The following RAD51B variants were observed in gnomAD, a reference collection of about 807,000 sequenced individuals.
The protein encoded by RAD51B is DNA repair protein RAD51 homolog 2.
RAD51B carries 38 observed loss-of-function variants against 42.2 expected under a neutral mutation model. The observed-to-expected ratio is 0.90, with a 90% CI of 0.70 to 1.18. RAD51B has a LOEUF of 1.18. Ranked by LOEUF, RAD51B falls within the 50% of genes most tolerant of loss-of-function variation. The pLI is 0.00. For missense variants in RAD51B, 373 were observed against 400.7 expected, an observed-to-expected ratio of 0.93 and a Z score of 0.59; for synonymous variants, 154 against 145.2, an observed-to-expected ratio of 1.06 and a Z score of -0.43.
chr14:68,153,252 T>C (rs910460858), intron 7 of RAD51B, among the ~76,000 whole-genome samples: 4 of 152,196 alleles, frequency 2.6e-5, no homozygotes, highest in Non-Finnish European at 5.9e-5. Flanking sequence ...ACACTCGATT[T>C]TGTTTTAGTC....
At position 68,108,592 on chromosome 14, in the gene RAD51B, G is replaced by T. The variant is rs78393099; in HGVS notation, c.757-183292G>T. Reference sequence around the variant, plus strand: ...AGAGACAGAAGAGAGATAAGAGATTGCCAGGATCTAGAGAGAGGCAGGAAT... The same window carrying T: ...AGAGACAGAAGAGAGATAAGAGATTTCCAGGATCTAGAGAGAGGCAGGAAT... On this transcript the variant is annotated intron_variant, in intron 7 of 10. Transcript: ENST00000471583. Among the ~76,000 whole-genome samples, 851 of 151,986 alleles carry T rather than the reference G, an allele frequency of 5.6e-3. 5 individuals carry two copies. Among genetic ancestry groups the T allele is most frequent in the African/African-American group, 0.02 (815 of 41,518 alleles).
chr14:67,912,982 G>A (rs2044038004), intron 7 of RAD51B, among the ~76,000 whole-genome samples: 1 of 152,184 alleles, frequency 6.6e-6, no homozygotes, highest in Non-Finnish European at 1.5e-5. Context: ...GGGATTACAG[G>A]CGTGAGCCAC....
intron 8 of RAD51B, among the ~76,000 whole-genome samples, chr14:68,344,498 T>TACCA (rs2082632217): frequency 1.3e-5 from 2 of 149,584 alleles, no homozygotes; most frequent in Non-Finnish European, 3.0e-5. Flanking sequence ...GTACAAAAAA[T>TACCA]TAGCACGGCG....
chr14:68,092,081 A>G (rs1249463203), intron 7 of RAD51B, among the ~76,000 whole-genome samples: 1 of 152,204 alleles, frequency 6.6e-6, no homozygotes, highest in Non-Finnish European at 1.5e-5. Context: ...CACCAGTACC[A>G]TGCTGTTTTG....
intron 9 of RAD51B, among the ~76,000 whole-genome samples, chr14:68,446,022 A>G (rs1307424390): frequency 6.6e-6 from 1 of 152,246 alleles, no homozygotes; most frequent in African/African-American, 2.4e-5. Flanking sequence ...TAGCTATGCA[A>G]CTTTCTTTCC....
Position 68,029,600 on chromosome 14 carries a change from C to T in RAD51B, c.756+142396C>T, listed in dbSNP as rs1428471767. On this transcript the variant is annotated intron_variant, in intron 7 of 10. Coordinates refer to ENST00000471583, the MANE Select transcript of RAD51B (RefSeq NM_133510.4). ...ATTCTAGTTCTTTTGCTGTTTTTCC[C>T]GCATCTGCAGTTACTTCCTTCACTG... Among the ~76,000 whole-genome samples, 6 of 152,146 alleles carry T rather than the reference C, an allele frequency of 3.9e-5. No individual in the cohort carries two copies. In the South Asian group the frequency reaches 6.2e-4, roughly 16 times the overall value.
chr14:68,663,574 T>C (rs1892977419), intron 11 of RAD51B, among the ~76,000 whole-genome samples: 1 of 152,230 alleles, frequency 6.6e-6, no homozygotes, highest in South Asian at 2.1e-4. Context: ...GCATAACTTG[T>C]AAGTAGTGAC....
intron 10 of RAD51B, among the ~76,000 whole-genome samples, chr14:68,574,394 A>G (rs1889867363): frequency 6.6e-6 from 1 of 152,144 alleles, no homozygotes; most frequent in Non-Finnish European, 1.5e-5. Flanking sequence ...GGCCACAGCT[A>G]CTTCCTTCAC....
chr14:68,624,876 C>T (rs1408136794), intron 10 of RAD51B, among the ~76,000 whole-genome samples: 3 of 152,140 alleles, frequency 2.0e-5, no homozygotes, highest in Non-Finnish European at 2.9e-5. Context: ...TCCCATGCCT[C>T]GTGGGAGTAC....
At chr14:68,595,190 A>T in exon 11 of RAD51B, 1 of 1,063,580 alleles carries the variant, frequency 9.4e-7, no homozygotes, top group Non-Finnish European at 1.1e-6. Flanking sequence ...GGAGCAGAAC[A>T]CTTACATGGA....
At chr14:67,987,919 A>G (rs1297662344) in intron 7 of RAD51B, among the ~76,000 whole-genome samples, 1 of 152,194 alleles carries the variant, frequency 6.6e-6, no homozygotes, top group Non-Finnish European at 1.5e-5. Flanking sequence ...CTGAAGTGGG[A>G]GGTTTTTCTG....
At chr14:68,005,182 C>G (rs1307741830) in intron 7 of RAD51B, among the ~76,000 whole-genome samples, 1 of 151,030 alleles carries the variant, frequency 6.6e-6, no homozygotes, top group Admixed American at 6.6e-5. Context: ...GGCTCCTGGG[C>G]AGCTGGGATT....
chr14:68,142,280 C>G (rs979486634), intron 7 of RAD51B, among the ~76,000 whole-genome samples: 4 of 152,014 alleles, frequency 2.6e-5, no homozygotes, highest in African/African-American at 9.7e-5. Context: ...TTACATCTAC[C>G]TACCCCTCCA....
At chr14:68,164,282 A>G (rs1468066609) in intron 7 of RAD51B, among the ~76,000 whole-genome samples, 1 of 152,230 alleles carries the variant, frequency 6.6e-6, no homozygotes, top group African/African-American at 2.4e-5. Flanking sequence ...CATGAAGACT[A>G]TCACCTGGTA....
chr14:67,968,516 C>T (rs554568162), intron 7 of RAD51B, among the ~76,000 whole-genome samples: 1 of 152,162 alleles, frequency 6.6e-6, no homozygotes. Context: ...CTACCAGATA[C>T]CCTCAATCAT....
intron 7 of RAD51B, among the ~76,000 whole-genome samples, chr14:67,954,252 A>G (rs2074506530): frequency 6.6e-6 from 1 of 152,202 alleles, no homozygotes; most frequent in Admixed American, 6.5e-5. Context: ...TGCCAAGATT[A>G]TATATACTAT....
intron 7 of RAD51B, among the ~76,000 whole-genome samples, chr14:68,155,195 CTTT>C (rs576162765): frequency 3.5e-5 from 5 of 141,702 alleles, no homozygotes; most frequent in African/African-American, 2.6e-5. Context: ...TATTATATTT[CTTT>C]TTTTTTTTTT....
chr14:68,022,900 G>A (rs1274770333), intron 7 of RAD51B, among the ~76,000 whole-genome samples: 1 of 152,058 alleles, frequency 6.6e-6, no homozygotes, highest in Non-Finnish European at 1.5e-5. Context: ...AGAACTTGTG[G>A]TATTTGGGTT....
intron 10 of RAD51B, among the ~76,000 whole-genome samples, chr14:68,609,240 C>T (rs1002650564): frequency 6.6e-6 from 1 of 152,214 alleles, no homozygotes; most frequent in African/African-American, 2.4e-5. Context: ...CCTTCGGCTG[C>T]CAGGCCCCAG....
Sources: allele counts gnomAD v4.1 joint callset (sites outside exome capture counted in the v4.1 genomes callset), GRCh38; gene constraint gnomAD v4.1.1; transcripts MANE v1.5; gene names NCBI Gene and HGNC (gene_info 2026-07-23, HGNC 2026-07-21).